The following MACROD2 variants were observed in gnomAD, a reference collection of about 807,000 sequenced individuals.
MACROD2 encodes the protein mono-ADP ribosylhydrolase 2, also known as ADP-ribose glycohydrolase MACROD2.
A neutral mutation model predicts 70.4 loss-of-function variants in MACROD2; 36 were observed. The ratio of observed to expected loss-of-function variants is 0.51; its 90% CI spans 0.39 to 0.68. The LOEUF (loss-of-function observed/expected upper bound fraction) is 0.68. Among genes scored for constraint, MACROD2 ranks in the 30% least tolerant of loss-of-function variants. MACROD2 has a pLI of 0.00. For missense variants in MACROD2, 496 were observed against 538.4 expected, an observed-to-expected ratio of 0.92 and a Z score of 0.78; for synonymous variants, 172 against 178.8, an observed-to-expected ratio of 0.96 and a Z score of 0.30.
chr20:15,375,364 C>A (rs2045548402), intron 6 of MACROD2, among the ~76,000 whole-genome samples: 1 of 152,108 alleles, frequency 6.6e-6, no homozygotes, highest in South Asian at 2.1e-4. Flanking sequence ...ATTAAGCCTC[C>A]CCAATTCCAG....
At chr20:14,144,388 GT>G (rs751219158) in intron 3 of MACROD2, among the ~76,000 whole-genome samples, 4 of 152,118 alleles carry the variant, frequency 2.6e-5, no homozygotes, top group Non-Finnish European at 5.9e-5. Context: ...GACCTTCTAG[GT>G]TTTCTTATCC....
intron 3 of MACROD2, among the ~76,000 whole-genome samples, chr20:14,269,804 G>T (rs796588408): frequency 2.0e-4 from 30 of 148,568 alleles, no homozygotes; most frequent in African/African-American, 7.4e-4. Context: ...AAACTTGTGG[G>T]TTTTTTTTTT....
intron 5 of MACROD2, among the ~76,000 whole-genome samples, chr20:15,192,550 G>A (rs1370419628): frequency 6.6e-6 from 1 of 152,070 alleles, no homozygotes; most frequent in Non-Finnish European, 1.5e-5. Flanking sequence ...CACACACCTG[G>A]GCTTCAAGCT....
chr20:14,213,024 G>A (rs907300006), intron 3 of MACROD2, among the ~76,000 whole-genome samples: 2 of 151,842 alleles, frequency 1.3e-5, no homozygotes, highest in Non-Finnish European at 2.9e-5. Flanking sequence ...GGTAGTATTT[G>A]TGTAATTTGC....
At chr20:14,477,602 G>T (rs1568630760) in intron 3 of MACROD2, among the ~76,000 whole-genome samples, 1 of 151,848 alleles carries the variant, frequency 6.6e-6, no homozygotes, top group Non-Finnish European at 1.5e-5. Flanking sequence ...ATTGTTTTCA[G>T]AATGATTTTT....
intron 3 of MACROD2, among the ~76,000 whole-genome samples, chr20:14,185,013 T>G (rs1242475625): frequency 6.6e-6 from 1 of 152,122 alleles, no homozygotes; most frequent in East Asian, 1.9e-4. Context: ...ATAAGCTTCA[T>G]GAATATAGAC....
chr20:14,310,465 A>G (rs1404211640), intron 3 of MACROD2, among the ~76,000 whole-genome samples: 1 of 152,180 alleles, frequency 6.6e-6, no homozygotes, highest in Non-Finnish European at 1.5e-5. Flanking sequence ...GTCATAGTGC[A>G]ACGCAGTACT....
chr20:15,708,420 G>T (rs1180535840), intron 8 of MACROD2, among the ~76,000 whole-genome samples: 1 of 152,102 alleles, frequency 6.6e-6, no homozygotes, highest in African/African-American at 2.4e-5. Flanking sequence ...GGATGTGAGG[G>T]AATTAGCCAT....
At chr20:15,797,480 A>G (rs1023716985) in intron 8 of MACROD2, among the ~76,000 whole-genome samples, 6 of 152,100 alleles carry the variant, frequency 3.9e-5, no homozygotes, top group Non-Finnish European at 8.8e-5. Context: ...CAGGCCTCCT[A>G]CCAGCATCAC....
intron 4 of MACROD2, among the ~76,000 whole-genome samples, chr20:14,604,263 A>T (rs1982664947): frequency 6.6e-6 from 1 of 152,238 alleles, no homozygotes; most frequent in Non-Finnish European, 1.5e-5. Context: ...ACTGCCAAGC[A>T]GAGAGCAAAT....
chr20:14,292,777 G>T (rs1289183443), intron 3 of MACROD2, among the ~76,000 whole-genome samples: 1 of 151,734 alleles, frequency 6.6e-6, no homozygotes, highest in Non-Finnish European at 1.5e-5. Context: ...TGGGATTACA[G>T]GTGCCTGCCA....
At chr20:14,642,590 A>G (rs1985156562) in intron 4 of MACROD2, among the ~76,000 whole-genome samples, 1 of 152,168 alleles carries the variant, frequency 6.6e-6, no homozygotes. Flanking sequence ...TTATATAGTT[A>G]TTAAGTGGCC....
intron 2 of MACROD2, among the ~76,000 whole-genome samples, chr20:14,075,502 T>C (rs896251178): frequency 7.2e-5 from 11 of 152,182 alleles, no homozygotes; most frequent in Admixed American, 2.0e-4. Context: ...TTGACAAGGA[T>C]AATTTAGAAC....
chr20:15,184,490 C>G (rs1366803480), intron 5 of MACROD2, among the ~76,000 whole-genome samples: 1 of 152,184 alleles, frequency 6.6e-6, no homozygotes, highest in African/African-American at 2.4e-5. Context: ...TGTCATCCTC[C>G]TAGTTGAGTG....
At chr20:15,871,457 A>G (rs1351659957) in intron 9 of MACROD2, among the ~76,000 whole-genome samples, 2 of 152,202 alleles carry the variant, frequency 1.3e-5, no homozygotes, top group African/African-American at 4.8e-5. Flanking sequence ...TTATGTGCCT[A>G]CTATGTTCCC....
intron 8 of MACROD2, among the ~76,000 whole-genome samples, chr20:15,524,732 G>A (rs1352408335): frequency 6.6e-6 from 1 of 152,130 alleles, no homozygotes; most frequent in Non-Finnish European, 1.5e-5. Flanking sequence ...TTATCTCTCT[G>A]CACTATACCG....
At chr20:14,087,761 T>G (rs2054096622) in intron 3 of MACROD2, among the ~76,000 whole-genome samples, 1 of 152,124 alleles carries the variant, frequency 6.6e-6, no homozygotes, top group South Asian at 2.1e-4. Flanking sequence ...TCTCCTGTAG[T>G]TTTAATAAGA....
intron 6 of MACROD2, among the ~76,000 whole-genome samples, chr20:15,337,934 G>C (rs544163463): frequency 6.6e-6 from 1 of 151,832 alleles, no homozygotes; most frequent in African/African-American, 2.4e-5. Flanking sequence ...AGGACTAAAA[G>C]CTTACGTTTG....
At chr20:14,578,252 TAATA>T (rs976406034) in intron 4 of MACROD2, among the ~76,000 whole-genome samples, 43 of 151,962 alleles carry the variant, frequency 2.8e-4, no homozygotes, top group African/African-American at 9.9e-4. Context: ...AACATAAAAA[TAATA>T]AATATAAGCT....
Sources: allele counts gnomAD v4.1 joint callset (sites outside exome capture counted in the v4.1 genomes callset), GRCh38; gene constraint gnomAD v4.1.1; transcripts MANE v1.5; gene names NCBI Gene and HGNC (gene_info 2026-07-23, HGNC 2026-07-21).